The following NCOR2 variants were observed in gnomAD, a reference collection of about 807,000 sequenced individuals.
The protein encoded by NCOR2 is CTG repeat protein 26.
NCOR2 carries 81 observed loss-of-function variants against 262.9 expected under a neutral mutation model. That is an observed-to-expected ratio of 0.31 (90% CI 0.26 to 0.37). The LOEUF (loss-of-function observed/expected upper bound fraction) is 0.37. NCOR2 is among the 10% of genes least tolerant of loss of function. The pLI is 1.00. For synonymous variants in NCOR2, 1,659 were observed against 1,559.3 expected (o/e 1.06, Z -1.51); for missense variants, 3,385 against 3,621.4 (o/e 0.93, Z 1.68).
intron 30 of NCOR2, 31 bp downstream of exon 32, chr12:124,347,794 G>C: frequency 6.4e-7 from 1 of 1,550,728 alleles, no homozygotes; most frequent in Admixed American, 2.0e-5. Context: ...ACCCGTTGGG[G>C]GCAACGAGGG....
rs1565958280 is a variant in NCOR2, at chr12:124,454,921, T to TG, written c.762+2184dup. 6.6e-6 allele frequency among the ~76,000 whole-genome samples: 1 copy of TG among 152,030 alleles called. No individual in the cohort carries two copies. Among genetic ancestry groups the TG allele is most frequent in the East Asian group, 1.9e-4 (1 of 5,186 alleles). On this transcript the variant is annotated intron_variant, in intron 6 of 46. Transcript: ENST00000405201. This position sits in a 1 kb window ranked among gnomAD's most constrained non-coding sequence, Gnocchi z 5.6. ...AATCTCACGTCCACCGACTGATGAG[T>TG]GGGTAAACAACACGTGACCTACCCC...
chr12:124,376,295 C>T (rs1310963987), intron 18 of NCOR2, among the ~76,000 whole-genome samples: 1 of 152,228 alleles, frequency 6.6e-6, no homozygotes, highest in Non-Finnish European at 1.5e-5. Flanking sequence ...GTAAGCTCTG[C>T]AAGCGATGCG....
At chr12:124,359,737 G>T (rs2038370836) in intron 22 of NCOR2, among the ~76,000 whole-genome samples, 1 of 152,264 alleles carries the variant, frequency 6.6e-6, no homozygotes, top group South Asian at 2.1e-4. Context: ...AGGCTGGGCG[G>T]GCGGCCGAGA....
At chr12:124,510,527 A>T (rs2049338801) in intron 1 of NCOR2, among the ~76,000 whole-genome samples, 1 of 152,212 alleles carries the variant, frequency 6.6e-6, no homozygotes, top group Admixed American at 6.5e-5. Context: ...AGAGAGGCCG[A>T]GCAACTTGCC....
upstream of NCOR2, among the ~76,000 whole-genome samples, chr12:124,499,940 G>A (rs12322603): frequency 0.058 from 8,838 of 152,152 alleles, 336 homozygotes; most frequent in East Asian, 0.14. Context: ...ATGGGCAGGT[G>A]GATGAAAGTC....
At chr12:124,556,245 G>A (rs1204118348) in intron 1 of NCOR2, 1 of 150,290 alleles carries the variant, frequency 6.7e-6, no homozygotes, top group Admixed American at 6.6e-5. Context: ...GAGCAGGAGG[G>A]GGCCACAGGT....
rs2048881342 is a variant in NCOR2, at chr12:124,503,659, G to T, written c.-117-8291C>A. 6.8e-6 allele frequency among the ~76,000 whole-genome samples: 1 copy of T among 147,602 alleles called. No homozygotes were observed. Among genetic ancestry groups the T allele is most frequent in the South Asian group, 2.1e-4 (1 of 4,676 alleles). Reference sequence around the variant, plus strand: ...GGGCGAATGGATGGATGGATGGATGGATGGACGGGTGAATGGATGGATGGA... The same window carrying T: ...GGGCGAATGGATGGATGGATGGATGTATGGACGGGTGAATGGATGGATGGA... On this transcript the variant is annotated intron_variant, in intron 1 of 46. Transcript: ENST00000404621. The surrounding 1 kb of genome is among the most constrained non-coding windows in gnomAD (Gnocchi z 4.3).
At chr12:124,344,327 C>T (rs74503926) in intron 32 of NCOR2, among the ~76,000 whole-genome samples, 555 of 152,222 alleles carry the variant, frequency 3.6e-3, no homozygotes, top group African/African-American at 0.013. Context: ...AGAAAGTATC[C>T]GGGTAGCTGT....
At chr12:124,458,102 T>C (rs1431830323) in intron 5 of NCOR2, among the ~76,000 whole-genome samples, 3 of 152,210 alleles carry the variant, frequency 2.0e-5, no homozygotes, top group South Asian at 2.1e-4. Flanking sequence ...CTCAGCTGCA[T>C]TGGGGCAGCC....
At chr12:124,379,312 C>T (rs1475537544) in intron 17 of NCOR2, among the ~76,000 whole-genome samples, 2 of 152,230 alleles carry the variant, frequency 1.3e-5, no homozygotes, top group Non-Finnish European at 2.9e-5. Flanking sequence ...CTTCTTCCCC[C>T]AGCTTAGGCA....
At chr12:124,419,850 T>C (rs968738137) in intron 13 of NCOR2, 107 bp downstream of exon 15, 26 of 1,007,284 alleles carry the variant, frequency 2.6e-5, no homozygotes, top group Non-Finnish European at 3.7e-5. Flanking sequence ...CAACAACAAC[T>C]CATGGAGACA....
At chr12:124,458,077 G>A (rs1000930661) in intron 5 of NCOR2, among the ~76,000 whole-genome samples, 3 of 152,210 alleles carry the variant, frequency 2.0e-5, no homozygotes, top group South Asian at 4.1e-4. Flanking sequence ...GCACGCGGGC[G>A]AGCCCCTGCT....
chr12:124,457,177 C>A lies in NCOR2; in HGVS notation c.706-15G>T. On this transcript the variant is annotated splice_polypyrimidine_tract_variant and intron_variant, in intron 5 of 46. Transcript: ENST00000405201. The surrounding 1 kb of genome is among the most constrained non-coding windows in gnomAD (Gnocchi z 4.0). The stretch of plus-strand genomic sequence containing the variant: ...TCAGCCTTCTTCTGCAGGGTGATGG[C>A]GAAGAGGAGGAATTTTTTTAAAAAA... 1 of 1,534,028 alleles carries A rather than the reference C, an allele frequency of 6.5e-7. No homozygotes were observed. The highest frequency in any genetic ancestry group is 8.7e-7 in the Non-Finnish European group (1 of 1,151,904).
At chr12:124,335,181 C>A in exon 40 of NCOR2, 1 of 1,611,704 alleles carries the variant, frequency 6.2e-7, no homozygotes. Flanking sequence ...ACCTTTGACC[C>A]CTGGGGCGGT....
chr12:124,363,740 G>A (rs767040589), exon 21 of NCOR2: 8 of 1,404,538 alleles, frequency 5.7e-6, no homozygotes, highest in African/African-American at 1.5e-5. Context: ...CTTCTGGGGT[G>A]AGGCATTGGC....
chr12:124,553,698 C>T (rs1346832761), intron 1 of NCOR2, among the ~76,000 whole-genome samples: 2 of 152,228 alleles, frequency 1.3e-5, no homozygotes, highest in Admixed American at 1.3e-4. Flanking sequence ...TTTTGAGCAA[C>T]GTTTTTTTTC....
At chr12:124,542,270 G>A (rs2051395715) in intron 1 of NCOR2, among the ~76,000 whole-genome samples, 1 of 151,914 alleles carries the variant, frequency 6.6e-6, no homozygotes. Context: ...CAGGACCCAT[G>A]ATTACTCAAG....
chr12:124,359,873 C>T (rs565998824), intron 22 of NCOR2, among the ~76,000 whole-genome samples: 14 of 152,204 alleles, frequency 9.2e-5, no homozygotes, highest in South Asian at 2.1e-4. Flanking sequence ...AGAGAGGTAG[C>T]GCTGGGTGTC....
At chr12:124,339,891 C>CA in intron 37 of NCOR2, 115 bp downstream of exon 39, 1 of 734,524 alleles carries the variant, frequency 1.4e-6, no homozygotes, top group Non-Finnish European at 2.2e-6. Flanking sequence ...CCCCACACAT[C>CA]TGCCCACCCA....
Sources: allele counts gnomAD v4.1 joint callset (sites outside exome capture counted in the v4.1 genomes callset), GRCh38; gene constraint gnomAD v4.1.1; non-coding constraint Gnocchi (gnomAD v3.1); transcripts MANE v1.5; gene names NCBI Gene and HGNC (gene_info 2026-07-23, HGNC 2026-07-21).